Variants in CSMD2 observed in about 807,000 individuals in gnomAD.
CSMD2 encodes CUB and Sushi multiple domains 2.
Under a neutral mutation model 398.5 loss-of-function variants are expected in CSMD2, and 130 were observed. The ratio of observed to expected loss-of-function variants is 0.33; its 90% confidence interval spans 0.28 to 0.38. The LOEUF (loss-of-function observed/expected upper bound fraction) is 0.38. CSMD2 is among the 10% of genes least tolerant of loss of function. CSMD2 has a pLI of 1.00. For missense variants in CSMD2, 3,829 were observed against 4,764.9 expected (o/e 0.80, Z 5.78); for synonymous variants, 1,828 against 1,908.5 (o/e 0.96, Z 1.10).
intron 9 of CSMD2, among the ~76,000 whole-genome samples, chr1:33,818,723 AT>A (rs2124990854): frequency 6.6e-6 from 1 of 152,342 alleles, no homozygotes; most frequent in South Asian, 2.1e-4. Flanking sequence ...TGTAAGGCTT[AT>A]TTGAAAGATG....
intron 19 of CSMD2, among the ~76,000 whole-genome samples, chr1:33,717,607 C>T (rs566143656): frequency 2.9e-4 from 44 of 151,736 alleles, no homozygotes; most frequent in African/African-American, 7.7e-4. Flanking sequence ...AGCTAGTGGG[C>T]CACTGGAAGG....
At chr1:34,016,886 C>T (rs527815234) in intron 3 of CSMD2, among the ~76,000 whole-genome samples, 11 of 152,172 alleles carry the variant, frequency 7.2e-5, no homozygotes, top group Non-Finnish European at 1.0e-4. Context: ...TTTGGTGCTC[C>T]CATCATGCAA....
At chr1:34,140,898 C>T (rs537238007) in intron 1 of CSMD2, among the ~76,000 whole-genome samples, 6 of 152,202 alleles carry the variant, frequency 3.9e-5, no homozygotes, top group Admixed American at 1.3e-4. Flanking sequence ...TAATCACTTC[C>T]CACTGAACAG....
intron 13 of CSMD2, among the ~76,000 whole-genome samples, chr1:33,759,098 A>C (rs1472978556): frequency 6.6e-6 from 1 of 152,194 alleles, no homozygotes; most frequent in East Asian, 1.9e-4. Flanking sequence ...AAAAAGTGAC[A>C]TCGCTCTTCT....
intron 1 of CSMD2, among the ~76,000 whole-genome samples, chr1:34,141,208 T>C (rs1184243315): frequency 3.3e-5 from 5 of 151,160 alleles, no homozygotes; most frequent in Non-Finnish European, 7.4e-5. Context: ...TGGGTTTTCA[T>C]GTCTTGGTTC....
intron 28 of CSMD2, among the ~76,000 whole-genome samples, chr1:33,649,088 CT>C (rs1408288287): frequency 1.3e-5 from 2 of 152,146 alleles, no homozygotes; most frequent in East Asian, 1.9e-4. Context: ...GAAGTCCCCC[CT>C]GTATGCCTGT....
At chr1:33,571,915 A>C (rs1659631932) in intron 50 of CSMD2, among the ~76,000 whole-genome samples, 189 bp from the exon 51 acceptor site, 1 of 152,190 alleles carries the variant, frequency 6.6e-6, no homozygotes, top group Non-Finnish European at 1.5e-5. Context: ...TGGGGAGTAC[A>C]GTTCTGCTAA....
intron 3 of CSMD2, among the ~76,000 whole-genome samples, chr1:34,030,830 C>A (rs1316429670): frequency 6.6e-6 from 1 of 152,194 alleles, no homozygotes; most frequent in Non-Finnish European, 1.5e-5. Flanking sequence ...TCACTCCCAG[C>A]ATCTTTGCTG....
At chr1:33,995,226 C>T (rs146915074) in intron 3 of CSMD2, among the ~76,000 whole-genome samples, 5 of 152,304 alleles carry the variant, frequency 3.3e-5, no homozygotes, top group Non-Finnish European at 7.3e-5. Context: ...AAGACTCCAA[C>T]GAAGTCCACA....
intron 11 of CSMD2, among the ~76,000 whole-genome samples, chr1:33,791,925 T>C (rs1217094123): frequency 1.3e-5 from 2 of 152,338 alleles, no homozygotes; most frequent in East Asian, 3.9e-4. Context: ...CATGTCATAC[T>C]GGTCTTTTTT....
intron 1 of CSMD2, among the ~76,000 whole-genome samples, chr1:34,161,333 G>C (rs1447324068): frequency 6.6e-6 from 1 of 152,202 alleles, no homozygotes; most frequent in Non-Finnish European, 1.5e-5. Flanking sequence ...GAGATGTCTT[G>C]GCAGAAGAGA....
chr1:33,842,387 C>T (rs1311690318), intron 6 of CSMD2, among the ~76,000 whole-genome samples: 2 of 152,184 alleles, frequency 1.3e-5, no homozygotes, highest in East Asian at 3.9e-4. Flanking sequence ...TCACGTCTCC[C>T]CTTTCATTAA....
intron 3 of CSMD2, among the ~76,000 whole-genome samples, chr1:33,937,246 T>A (rs1222655980): frequency 6.6e-6 from 1 of 152,154 alleles, no homozygotes; most frequent in Non-Finnish European, 1.5e-5. Flanking sequence ...CTAAGAGTTA[T>A]GATGGGACAG....
Position 33,622,174 on chromosome 1 carries a change from C to T in CSMD2, c.5820G>A (p.Glu1940=). The change falls in exon 37 of 71, where the codon GAG becomes GAA. Residue 1940 remains glutamate, a synonymous_variant. Transcript: ENST00000373381. ...AAGACCCTGGATTCTCACTTTTGTACTCCAAGTGGAAGCCAGCTGCAGATA... is the reference window on the plus strand; with the variant it reads ...AAGACCCTGGATTCTCACTTTTGTATTCCAAGTGGAAGCCAGCTGCAGATA... ...ISVSAAGFHL[E]YKTVGLSSCP... 2 of 1,612,776 alleles carry T rather than the reference C, an allele frequency of 1.2e-6. No homozygotes were observed. Among genetic ancestry groups the T allele is most frequent in the Non-Finnish European group, 1.7e-6 (2 of 1,178,786 alleles).
rs1235095933 is a variant in CSMD2 at position 33,567,796 on chromosome 1, T to G, written c.8177A>C (p.Asp2726Ala). 6.2e-7 allele frequency: 1 copy of G among 1,610,550 alleles called. No individual in the cohort carries two copies. The highest frequency in any genetic ancestry group is 8.5e-7 in the Non-Finnish European group (1 of 1,178,302). Reference sequence around the variant, plus strand: ...GGTGAGGGATGGGGAAGAGAGTACATCGAAGAGGAGCTTATAGAAAATGGA... The same window carrying G: ...GGTGAGGGATGGGGAAGAGAGTACAGCGAAGAGGAGCTTATAGAAAATGGA... ...LHSIFYKLLFDVLSSPSLTKA... is the reference protein window; with the variant it reads ...LHSIFYKLLFAVLSSPSLTKA... Residue 2726 changes from aspartate to alanine, a missense_variant, in exon 53 of 71, where the codon GAT becomes GCT. By Grantham distance (126) the Asp-to-Ala change is moderately radical. Coordinates refer to ENST00000373381, the MANE Select transcript of CSMD2 (RefSeq NM_001281956.2).
Position 33,985,171 on chromosome 1 carries a change from G to A in CSMD2, c.517+47423C>T, listed in dbSNP as rs77243251. ...TCGATGGAGGGGAAGCTGTCCTGGA[G>A]GGATGGAGCCCTGGGCTGTCTCCCT... On this transcript the variant is annotated intron_variant, in intron 3 of 70. Coordinates refer to ENST00000373381, the MANE Select transcript of CSMD2 (RefSeq NM_001281956.2). 6.4e-3 allele frequency among the ~76,000 whole-genome samples: 969 copies of A among 152,286 alleles called. 18 individuals carry two copies. The highest frequency in any genetic ancestry group is 0.051 in the South Asian group (247 of 4,818).
At chr1:34,091,925 A>G (rs1185885942) in intron 1 of CSMD2, among the ~76,000 whole-genome samples, 1 of 152,164 alleles carries the variant, frequency 6.6e-6, no homozygotes, top group Non-Finnish European at 1.5e-5. Flanking sequence ...AAATGAGAAA[A>G]GAGGAAGCAA....
At chr1:33,853,325 G>T (rs1423085167) in intron 5 of CSMD2, among the ~76,000 whole-genome samples, 1 of 152,162 alleles carries the variant, frequency 6.6e-6, no homozygotes, top group Non-Finnish European at 1.5e-5. Flanking sequence ...AGGTGATAAG[G>T]ATGCTTTGTC....
intron 23 of CSMD2, among the ~76,000 whole-genome samples, 171 bp downstream of exon 23, chr1:33,700,346 T>C (rs1287191067): frequency 6.6e-6 from 1 of 152,228 alleles, no homozygotes; most frequent in South Asian, 2.1e-4. Flanking sequence ...TTCCATTGTA[T>C]GAACATATCA....
Sources: allele counts gnomAD v4.1 joint callset (sites outside exome capture counted in the v4.1 genomes callset), GRCh38; gene constraint gnomAD v4.1.1; transcripts MANE v1.5; gene names NCBI Gene and HGNC (gene_info 2026-07-23, HGNC 2026-07-21).